Variants in PSD4 observed in about 807,000 individuals in gnomAD.
PSD4 encodes the protein PH and SEC7 domain-containing protein 4.
Under a neutral mutation model 112.5 loss-of-function variants are expected in PSD4, and 59 were observed. That is an observed-to-expected ratio of 0.52 (90% CI 0.43 to 0.65). PSD4 has a LOEUF of 0.65. PSD4 is among the 30% of genes least tolerant of loss of function. The pLI is 0.00. For missense variants in PSD4, 1,267 were observed against 1,352.6 expected (o/e 0.94, Z 0.99); for synonymous variants, 533 against 540.0 (o/e 0.99, Z 0.18).
chr2:113,201,633 C>T lies in PSD4; in HGVS notation c.*218C>T, dbSNP rs1027240047. 35 of 652,424 alleles carry T rather than the reference C, an allele frequency of 5.4e-5. No individual in the cohort carries two copies. The highest frequency in any genetic ancestry group is 7.4e-5 in the Non-Finnish European group (29 of 392,650). The allele number at this position is 652,424 out of a possible 1,614,324, so 40.4% of individuals were successfully genotyped here. Reference sequence around the variant, plus strand: ...CCCACCACCCCCATGGCAGTCCCTCCGCAGCCCCAGTCCCTGGCCACGCCC... The same window carrying T: ...CCCACCACCCCCATGGCAGTCCCTCTGCAGCCCCAGTCCCTGGCCACGCCC... On this transcript the variant is annotated 3_prime_UTR_variant, in exon 17 of 17. Coordinates refer to ENST00000245796, the MANE Select transcript of PSD4 (RefSeq NM_012455.3).
In PSD4 at chr2:113,207,117, G is replaced by C. The variant is rs921897453; in HGVS notation, c.*5702G>C. 3 of 152,126 alleles carry C rather than the reference G, an allele frequency of 2.0e-5. No individual in the cohort carries two copies. Among genetic ancestry groups the C allele is most frequent in the Non-Finnish European group, 2.9e-5 (2 of 68,036 alleles). The allele number at this position is 152,126 out of a possible 1,614,324, so 9.4% of individuals were successfully genotyped here. ...CAAATATAGCAGAAAGTGACTCTCT[G>C]CTTCCTGGAAGTTTCAAACTCAAAT... On this transcript the variant is annotated 3_prime_UTR_variant, in exon 17 of 17. Coordinates refer to ENST00000245796, the MANE Select transcript of PSD4 (RefSeq NM_012455.3).
chr2:113,190,361 G>A (rs115086420), intron 5 of PSD4, among the ~76,000 whole-genome samples: 2,811 of 152,274 alleles, frequency 0.018, 43 homozygotes, highest in Middle Eastern at 0.048. Context: ...CTTTGTTGAA[G>A]ATCAGTTGGC....
At chr2:113,191,113 G>A (rs1688431798) in intron 5 of PSD4, among the ~76,000 whole-genome samples, 1 of 152,202 alleles carries the variant, frequency 6.6e-6, no homozygotes, top group African/African-American at 2.4e-5. Context: ...GCATAAGGAA[G>A]ATGGTTCTTT....
chr2:113,188,325 C>T (rs12614146), intron 5 of PSD4, among the ~76,000 whole-genome samples: 55,947 of 151,880 alleles, frequency 0.37, 10,511 homozygotes, highest in East Asian at 0.52. Flanking sequence ...CTCACTGCAA[C>T]CTCTGCCTCC....
chr2:113,193,152 G>A, intron 7 of PSD4, 24 bp downstream of exon 7: 1 of 1,610,988 alleles, frequency 6.2e-7, no homozygotes, highest in Non-Finnish European at 8.5e-7. Context: ...GCCCTCTCTG[G>A]GGAGGCTGTG....
intron 1 of PSD4, among the ~76,000 whole-genome samples, chr2:113,179,947 G>C (rs961935934): frequency 6.6e-6 from 1 of 152,148 alleles, no homozygotes; most frequent in Non-Finnish European, 1.5e-5. Context: ...TTCTAAAACA[G>C]GAATGCAAGG....
rs555373260 is a variant in PSD4 at position 113,208,181 on chromosome 2, G to C, written c.*6766G>C. 13 of 152,342 alleles carry C rather than the reference G, an allele frequency of 8.5e-5. No individual in the cohort carries two copies. Among genetic ancestry groups the C allele is most frequent in the African/African-American group, 3.1e-4 (13 of 41,538 alleles). 9.4% of individuals were successfully genotyped at this position (152,342 alleles called of 1,614,324 possible). A position where few individuals can be genotyped will look rare whatever the true frequency, so the allele number is the denominator to read the frequency against. On this transcript the variant is annotated 3_prime_UTR_variant, in exon 17 of 17. Coordinates refer to ENST00000245796, the MANE Select transcript of PSD4 (RefSeq NM_012455.3). ...TGCATATTCTTTTTCTGTCTTTCCT[G>C]CTACTCCCTCTTGCTCTTCCCACCC...
At chr2:113,201,091 A>C in intron 16 of PSD4, 67 bp from the exon 17 acceptor site, 1 of 1,542,860 alleles carries the variant, frequency 6.5e-7, no homozygotes, top group Non-Finnish European at 8.7e-7. Context: ...GCTGTCCCTC[A>C]CGATTCTAGC....
chr2:113,184,866 C>T (rs557230874), intron 2 of PSD4, 91 bp from the exon 3 acceptor site: 6 of 1,554,728 alleles, frequency 3.9e-6, no homozygotes, highest in Non-Finnish European at 5.2e-6. Flanking sequence ...AGGGAGGAGG[C>T]TTCATGGGAT....
At chr2:113,187,235 A>G (rs915161795) in intron 5 of PSD4, among the ~76,000 whole-genome samples, 3 of 152,200 alleles carry the variant, frequency 2.0e-5, no homozygotes, top group African/African-American at 7.2e-5. Flanking sequence ...AGTTTATCTC[A>G]CCTCAGGTGG....
In PSD4 at chr2:113,207,454, C is replaced by CTTTTTTTTTTTTTTTTTTTTT. The variant is rs397985506; in HGVS notation, c.*6059_*6060insTTTTTTTTTTTTTTTTTTTTT. ...TAACTCTCCTCTCCTCTCTCCTCTT[C>CTTTTTTTTTTTTTTTTTTTTT]TTTTTTTTTTTTTTTTTTTTGAGAT... On this transcript the variant is annotated 3_prime_UTR_variant, in exon 17 of 17. Transcript: ENST00000245796. The CTTTTTTTTTTTTTTTTTTTTT allele has an allele frequency of 3.1e-5, 3 of 95,514 alleles. No homozygotes were observed. The highest frequency in any genetic ancestry group is 4.1e-5 in the African/African-American group (1 of 24,656). 5.9% of individuals were successfully genotyped at this position (95,514 alleles called of 1,614,324 possible). A position where few individuals can be genotyped will look rare whatever the true frequency, so the allele number is the denominator to read the frequency against.
intron 5 of PSD4, among the ~76,000 whole-genome samples, chr2:113,189,020 A>G (rs955844222): frequency 6.6e-6 from 1 of 152,192 alleles, no homozygotes; most frequent in African/African-American, 2.4e-5. Flanking sequence ...AGAGCAGTAT[A>G]CACTGCACCC....
intron 5 of PSD4, among the ~76,000 whole-genome samples, chr2:113,187,726 A>G (rs147381695): frequency 4.9e-4 from 74 of 152,360 alleles, no homozygotes; most frequent in Non-Finnish European, 8.7e-4. Flanking sequence ...AAGTTGAACC[A>G]GTAAGCAGGA....
rs552374833 is a variant in PSD4 at position 113,204,368 on chromosome 2, C to T, written c.*2953C>T. 1 of 152,432 alleles carries T rather than the reference C, an allele frequency of 6.6e-6. No individual in the cohort carries two copies. The highest frequency in any genetic ancestry group is 1.5e-5 in the Non-Finnish European group (1 of 68,118). 9.4% of individuals were successfully genotyped at this position (152,432 alleles called of 1,614,324 possible). On this transcript the variant is annotated 3_prime_UTR_variant, in exon 17 of 17. Coordinates refer to ENST00000245796, the MANE Select transcript of PSD4 (RefSeq NM_012455.3). ...TCTATGGGGACAGCCTACAGCTCCC[C>T]ACAGGGTTGCTCCAGGTAACGCTGG...
intron 5 of PSD4, among the ~76,000 whole-genome samples, chr2:113,187,287 T>A (rs1322335689): frequency 6.6e-6 from 1 of 152,234 alleles, no homozygotes; most frequent in African/African-American, 2.4e-5. Context: ...TTTTCTCCAA[T>A]GCAAGGCACG....
chr2:113,186,647 G>A (rs1013558999), intron 5 of PSD4, among the ~76,000 whole-genome samples: 2 of 152,184 alleles, frequency 1.3e-5, no homozygotes, highest in African/African-American at 2.4e-5. Context: ...TGTAATGTGG[G>A]GATTATGGAC....
chr2:113,188,803 C>G (rs969014558), intron 5 of PSD4, among the ~76,000 whole-genome samples: 2 of 151,882 alleles, frequency 1.3e-5, no homozygotes, highest in Non-Finnish European at 2.9e-5. Context: ...CTCCTGACCT[C>G]GTGATCTGCC....
chr2:113,191,501 G>T (rs1688440043), intron 5 of PSD4, among the ~76,000 whole-genome samples: 1 of 152,162 alleles, frequency 6.6e-6, no homozygotes, highest in Non-Finnish European at 1.5e-5. Flanking sequence ...CGAACTCCTG[G>T]CCTCAAGTGA....
intron 12 of PSD4, 185 bp downstream of exon 12, chr2:113,196,492 G>C (rs1688619093): frequency 6.9e-6 from 5 of 722,864 alleles, no homozygotes; most frequent in Non-Finnish European, 8.7e-6. Context: ...AGGCACTAGA[G>C]GGTAGGTAGG....
Sources: gnomAD v4.1 joint callset for allele counts (sites outside exome capture counted in the v4.1 genomes callset) on GRCh38, gnomAD v4.1.1 for gene constraint, MANE v1.5 for transcripts, NCBI Gene and HGNC (gene_info 2026-07-23, HGNC 2026-07-21) for gene names.